CACNA1A: variants seen among roughly 807,000 people sequenced by gnomAD.
The protein encoded by CACNA1A is calcium voltage-gated channel subunit alpha1 A, also known as voltage-dependent P/Q-type calcium channel subunit alpha-1A.
CACNA1A carries 57 observed loss-of-function variants against 262.4 expected under a neutral mutation model. That is an observed-to-expected ratio of 0.22 (90% CI 0.18 to 0.27). The LOEUF (loss-of-function observed/expected upper bound fraction) is 0.27. CACNA1A is among the 10% of genes least tolerant of loss of function. The pLI, the probability that CACNA1A is intolerant of heterozygous loss-of-function variation, is 1.00. For synonymous variants in CACNA1A, 1,431 were observed against 1,419.3 expected (o/e 1.01, Z -0.18); for missense variants, 2,526 against 3,562.8 (o/e 0.71, Z 7.41).
intron 18 of CACNA1A, among the ~76,000 whole-genome samples, chr19:13,299,667 C>T (rs1254231869): frequency 2.0e-5 from 3 of 152,196 alleles, no homozygotes; most frequent in Non-Finnish European, 4.4e-5. Flanking sequence ...TCACACAGGC[C>T]TCCTTCACAT....
At chr19:13,335,577 A>T (rs2058549480) in intron 7 of CACNA1A, among the ~76,000 whole-genome samples, 1 of 152,190 alleles carries the variant, frequency 6.6e-6, no homozygotes. Context: ...GGTTTTTAAA[A>T]AAAATGTAAA....
intron 3 of CACNA1A, among the ~76,000 whole-genome samples, chr19:13,420,860 A>G (rs567725249): frequency 2.0e-5 from 3 of 152,224 alleles, no homozygotes; most frequent in African/African-American, 7.2e-5. Flanking sequence ...TTGATTCAAT[A>G]AATATGGTAG....
At chr19:13,247,467 G>A (rs1486944147) in intron 30 of CACNA1A, among the ~76,000 whole-genome samples, 2 of 152,158 alleles carry the variant, frequency 1.3e-5, no homozygotes, top group African/African-American at 4.8e-5. Context: ...GCCGATGTGG[G>A]CGGATCACGA....
intron 1 of CACNA1A, among the ~76,000 whole-genome samples, chr19:13,501,839 G>T (rs1982411479): frequency 6.6e-6 from 1 of 152,196 alleles, no homozygotes. Flanking sequence ...TTCAGGTTAG[G>T]TTTTACCTCT....
chr19:13,328,343 A>C (rs1337062581), intron 10 of CACNA1A, among the ~76,000 whole-genome samples: 1 of 152,244 alleles, frequency 6.6e-6, no homozygotes, highest in African/African-American at 2.4e-5. Context: ...CACGAGTGGA[A>C]GCAGAATGAG....
chr19:13,234,670 A>G, intron 34 of CACNA1A: 1 of 490,514 alleles, frequency 2.0e-6, no homozygotes, highest in Non-Finnish European at 3.7e-6. Context: ...ACATCTGGCC[A>G]CCCCCACACC....
chr19:13,228,715 T>C, intron 36 of CACNA1A: 1 of 1,596,184 alleles, frequency 6.3e-7, no homozygotes, highest in Non-Finnish European at 8.5e-7. Context: ...AGCAACCCTA[T>C]GAGGACATTT....
intron 30 of CACNA1A, among the ~76,000 whole-genome samples, chr19:13,248,067 G>T (rs2056295923): frequency 6.6e-6 from 1 of 152,070 alleles, no homozygotes; most frequent in Non-Finnish European, 1.5e-5. Context: ...CTCTTTCCTG[G>T]TTGCCTTTCT....
chr19:13,230,905 C>T (rs1486468552), intron 35 of CACNA1A, among the ~76,000 whole-genome samples: 1 of 151,770 alleles, frequency 6.6e-6, no homozygotes, highest in African/African-American at 2.4e-5. Context: ...CAGGGACCAA[C>T]ACCAAGAGAA....
chr19:13,400,859 C>T (rs2059888577), intron 3 of CACNA1A, among the ~76,000 whole-genome samples: 1 of 152,144 alleles, frequency 6.6e-6, no homozygotes, highest in Non-Finnish European at 1.5e-5. Flanking sequence ...GAGTCTTGCT[C>T]TGTCATTCAA....
At chr19:13,235,565 G>A (rs1397764071) in intron 32 of CACNA1A, 49 bp downstream of exon 32, 2 of 1,272,052 alleles carry the variant, frequency 1.6e-6, no homozygotes, top group Non-Finnish European at 2.3e-6. Flanking sequence ...AGAGCATGAG[G>A]GTCACCTGTC....
rs1374565315 is a variant in CACNA1A, at chr19:13,219,047, T to TA, written c.5732-4440_5732-4439insT. On this transcript the variant is annotated intron_variant, in intron 38 of 46. Coordinates refer to ENST00000360228, the MANE Select transcript of CACNA1A (RefSeq NM_001127222.2). Reference sequence around the variant, plus strand: ...CCATGCCAGGCCCTTTGCAGATTTTTTTTTTTTTTTTTTTTCTAATAGAGT... The same window carrying TA: ...CCATGCCAGGCCCTTTGCAGATTTTTATTTTTTTTTTTTTTTCTAATAGAGT... Among the ~76,000 whole-genome samples the TA allele has an allele frequency of 3.3e-5, 4 of 120,774 alleles. No homozygotes were observed. In the Admixed American group the frequency reaches 3.4e-4, roughly 10 times the overall value. The allele number at this position is 120,774 out of a possible 152,430, so 79.2% of individuals were successfully genotyped here.
At chr19:13,496,683 G>A (rs900993957) in intron 1 of CACNA1A, among the ~76,000 whole-genome samples, 1 of 152,188 alleles carries the variant, frequency 6.6e-6, no homozygotes, top group African/African-American at 2.4e-5. Flanking sequence ...AGGGAGTTGA[G>A]AGACTTGGCA....
chr19:13,228,749 A>T, intron 36 of CACNA1A: 1 of 1,602,556 alleles, frequency 6.2e-7, no homozygotes, highest in South Asian at 1.1e-5. Flanking sequence ...AGAGGGGGAG[A>T]TATTACTCGT....
At chr19:13,492,988 GA>G (rs752102340) in intron 1 of CACNA1A, among the ~76,000 whole-genome samples, 1 of 152,176 alleles carries the variant, frequency 6.6e-6, no homozygotes, top group African/African-American at 2.4e-5. Flanking sequence ...CATGCCAGGA[GA>G]CCAAAGAAAG....
At chr19:13,482,761 T>C (rs1294286777) in intron 1 of CACNA1A, among the ~76,000 whole-genome samples, 2 of 151,964 alleles carry the variant, frequency 1.3e-5, no homozygotes, top group African/African-American at 4.8e-5. Context: ...CCCTCTGGCT[T>C]TGGACAATGG....
Position 13,206,942 on chromosome 19 carries a change from ATGTTTTTTTTTTTTTT to A in CACNA1A, c.*355_*370del. 1.3e-5 allele frequency: 1 copy of A among 76,080 alleles called. No homozygotes were observed. Among genetic ancestry groups the A allele is most frequent in the East Asian group, 3.2e-4 (1 of 3,142 alleles). The allele number at this position is 76,080 out of a possible 1,614,324, so 4.7% of individuals were successfully genotyped here. On this transcript the variant is annotated 3_prime_UTR_variant, in exon 47 of 47. Coordinates refer to ENST00000360228, the MANE Select transcript of CACNA1A (RefSeq NM_001127222.2). ...TTTCTCCCCGTTTTTTCTTTTAAAA[ATGTTTTTTTTTTTTTT>A]TTTTTTTTTTTTTTTCATGTTCCCC...
intron 24 of CACNA1A, among the ~76,000 whole-genome samples, chr19:13,266,738 T>A (rs758463210): frequency 6.6e-6 from 1 of 152,142 alleles, no homozygotes; most frequent in Non-Finnish European, 1.5e-5. Context: ...CAAGCCCAGA[T>A]AATTTTTTGC....
intron 46 of CACNA1A, 64 bp downstream of exon 46, chr19:13,208,692 T>A: frequency 6.7e-7 from 1 of 1,492,368 alleles, no homozygotes; most frequent in Non-Finnish European, 8.9e-7. Flanking sequence ...GGATGGGGTA[T>A]CCCCTTCTCT....
Sources: allele counts gnomAD v4.1 joint callset (sites outside exome capture counted in the v4.1 genomes callset), GRCh38; gene constraint gnomAD v4.1.1; transcripts MANE v1.5; gene names NCBI Gene and HGNC (gene_info 2026-07-23, HGNC 2026-07-21).